TMEM114: variants seen among roughly 807,000 people sequenced by gnomAD.
TMEM114 encodes the protein transmembrane protein 114, also known as claudin-26.
TMEM114 carries 6 observed loss-of-function variants against 6.2 expected under a neutral mutation model. That is an observed-to-expected ratio of 0.97 (90% confidence interval 0.53 to 1.91). The LOEUF is 1.91. Ranked by LOEUF, TMEM114 falls within the 40% of genes most tolerant of loss-of-function variation. The pLI is 0.01. For missense variants in TMEM114, 218 were observed against 158.3 expected, an observed-to-expected ratio of 1.38 and a Z score of -2.02; for synonymous variants, 104 against 73.0, an observed-to-expected ratio of 1.42 and a Z score of -2.16.
intron 2 of TMEM114, among the ~76,000 whole-genome samples, chr16:8,564,489 A>ATGAGTGAATGAGTGAC (rs1901449266): frequency 1.0e-5 from 1 of 96,968 alleles, no homozygotes. Context: ...GAGGGAATGA[A>ATGAGTGAATGAGTGAC]TGAGTGAATG....
intron 2 of TMEM114, among the ~76,000 whole-genome samples, chr16:8,547,239 G>C (rs906072057): frequency 3.3e-5 from 5 of 152,272 alleles, no homozygotes; most frequent in African/African-American, 1.2e-4. Flanking sequence ...GGAGGATGAG[G>C]AGTAAGGAAG....
chr16:8,563,032 G>GTGAGTGAATGAGTAAAT (rs1567202656), intron 2 of TMEM114, among the ~76,000 whole-genome samples: 8 of 129,682 alleles, frequency 6.2e-5, no homozygotes, highest in Non-Finnish European at 1.0e-4. Context: ...GAGGGAATGA[G>GTGAGTGAATGAGTAAAT]TGAGTGAATG....
chr16:8,583,170 C>G (rs2141698935), intron 2 of TMEM114, among the ~76,000 whole-genome samples: 1 of 152,304 alleles, frequency 6.6e-6, no homozygotes, highest in South Asian at 2.1e-4. Context: ...GTCCAGCACA[C>G]AGCAACTGTC....
intron 2 of TMEM114, among the ~76,000 whole-genome samples, chr16:8,538,132 A>AT (rs1900414799): frequency 7.7e-6 from 1 of 129,286 alleles, no homozygotes; most frequent in Non-Finnish European, 1.7e-5. Flanking sequence ...GACTGTCTCT[A>AT]CAAAAAAAAA....
chr16:8,560,065 C>T (rs891122085), intron 2 of TMEM114, among the ~76,000 whole-genome samples: 2 of 152,208 alleles, frequency 1.3e-5, no homozygotes, highest in African/African-American at 4.8e-5. Context: ...GGTGCCATCA[C>T]AGCTCACTGC....
At chr16:8,547,533 C>G (rs1032855177) in intron 2 of TMEM114, among the ~76,000 whole-genome samples, 2 of 151,456 alleles carry the variant, frequency 1.3e-5, no homozygotes, top group African/African-American at 4.8e-5. Flanking sequence ...GCTGGGATTA[C>G]AGGCACCCGC....
chr16:8,539,593 G>A (rs1335078878), intron 2 of TMEM114, among the ~76,000 whole-genome samples: 1 of 152,104 alleles, frequency 6.6e-6, no homozygotes, highest in Non-Finnish European at 1.5e-5. Context: ...CACTCTTCCA[G>A]ATCCCATCCT....
In TMEM114 at chr16:8,576,758, GGAAGGAAGGAAAT is replaced by G. The variant is rs1279639018; in HGVS notation, c.302-4547_302-4535del. Among the ~76,000 whole-genome samples the G allele has an allele frequency of 4.1e-5, 5 of 122,030 alleles. No individual in the cohort carries two copies. In the East Asian group the frequency reaches 8.7e-4, roughly 21 times the overall value. 80.1% of individuals were successfully genotyped at this position (122,030 alleles called of 152,430 possible). ...AGGAAGGAAGGAAGGAAGGAAGGAA[GGAAGGAAGGAAAT>G]TGAGCATTTACTGAGCATCTAATAG... On this transcript the variant is annotated intron_variant, in intron 2 of 3. Coordinates refer to ENST00000620492, the MANE Select transcript of TMEM114 (RefSeq NM_001146336.2).
At chr16:8,553,978 A>T (rs1900926856) in intron 2 of TMEM114, among the ~76,000 whole-genome samples, 1 of 151,624 alleles carries the variant, frequency 6.6e-6, no homozygotes. Context: ...TCCCAGGTTC[A>T]AGCGATTCTC....
Position 8,553,717 on chromosome 16 carries a change from A to G in TMEM114, n.213-15891T>C, listed in dbSNP as rs956467763. 6.6e-5 allele frequency among the ~76,000 whole-genome samples: 10 copies of G among 151,836 alleles called. No homozygotes were observed. The South Asian group carries it at 8.3e-4, about 13-fold the overall frequency. Reference sequence around the variant, plus strand: ...AGGATGGTCTTGATCTCCTGACCTCATGGTCCGCCCACCTCGGCCTCCCAA... The same window carrying G: ...AGGATGGTCTTGATCTCCTGACCTCGTGGTCCGCCCACCTCGGCCTCCCAA... On this transcript the variant is annotated intron_variant and non_coding_transcript_variant, in intron 2 of 2. Transcript: ENST00000623677.
intron 2 of TMEM114, among the ~76,000 whole-genome samples, chr16:8,538,915 T>A (rs574699890): frequency 1.6e-4 from 24 of 152,340 alleles, no homozygotes; most frequent in African/African-American, 5.3e-4. Flanking sequence ...ATTATATCAT[T>A]TATAATGTAT....
intron 2 of TMEM114, among the ~76,000 whole-genome samples, chr16:8,561,709 GTGAA>G (rs1201749314): frequency 1.3e-4 from 20 of 152,220 alleles, no homozygotes; most frequent in African/African-American, 3.9e-4. Flanking sequence ...AAATGAATCA[GTGAA>G]TGAATGAGTG....
At chr16:8,540,201 C>G (rs902391988) in intron 2 of TMEM114, among the ~76,000 whole-genome samples, 1 of 152,080 alleles carries the variant, frequency 6.6e-6, no homozygotes, top group Non-Finnish European at 1.5e-5. Context: ...TATCAAATTG[C>G]TATAAATATA....
chr16:8,569,297 C>T (rs75170751), downstream of TMEM114, among the ~76,000 whole-genome samples: 17,062 of 152,072 alleles, frequency 0.11, 1,051 homozygotes, highest in Middle Eastern at 0.2. Flanking sequence ...CGTAGAAAGC[C>T]CATGTCATGC....
the TMEM114 span, among the ~76,000 whole-genome samples, chr16:8,529,333 G>A: frequency 6.6e-6 from 1 of 152,240 alleles, no homozygotes; most frequent in Non-Finnish European, 1.5e-5. Flanking sequence ...ATCTGAGACC[G>A]TTGGCCTAGA....
intron 2 of TMEM114, among the ~76,000 whole-genome samples, chr16:8,548,133 A>T (rs191106575): frequency 1.2e-3 from 181 of 152,328 alleles, no homozygotes; most frequent in African/African-American, 4.2e-3. Context: ...AGTTACTTAG[A>T]CACCGTGAGT....
At chr16:8,546,640 A>G (rs1161436894) in intron 2 of TMEM114, among the ~76,000 whole-genome samples, 2 of 152,132 alleles carry the variant, frequency 1.3e-5, no homozygotes, top group African/African-American at 4.8e-5. Flanking sequence ...AGCTTCCCTA[A>G]AATTTTTGTC....
intron 2 of TMEM114, among the ~76,000 whole-genome samples, chr16:8,588,843 T>A (rs1902395501): frequency 6.6e-6 from 1 of 152,212 alleles, no homozygotes; most frequent in Non-Finnish European, 1.5e-5. Context: ...CTAATTTAGG[T>A]CCCTGCAGGG....
At chr16:8,582,408 C>G (rs1902182566) in intron 2 of TMEM114, among the ~76,000 whole-genome samples, 1 of 152,248 alleles carries the variant, frequency 6.6e-6, no homozygotes, top group South Asian at 2.1e-4. Context: ...TGGCTCTGAA[C>G]CTGCTGTTCT....
Sources: gnomAD v4.1 joint callset for allele counts (sites outside exome capture counted in the v4.1 genomes callset) on GRCh38, gnomAD v4.1.1 for gene constraint, MANE v1.5 for transcripts, NCBI Gene and HGNC (gene_info 2026-07-23, HGNC 2026-07-21) for gene names.